RAI1: variants seen among roughly 807,000 people sequenced by gnomAD.
RAI1 encodes retinoic acid induced 1.
In RAI1, 9 loss-of-function variants were observed where a neutral mutation model predicts 123.8. The ratio of observed to expected loss-of-function variants is 0.07; its 90% confidence interval spans 0.04 to 0.13. The LOEUF is 0.13. RAI1 is among the 10% of genes least tolerant of loss of function. The pLI, the probability that RAI1 is intolerant of heterozygous loss-of-function variation, is 1.00. For missense variants in RAI1, 2,256 were observed against 2,545.8 expected (o/e 0.89, Z 2.45); for synonymous variants, 1,231 against 1,127.3 (o/e 1.09, Z -1.84).
chr17:17,703,159 C>G (rs542028711), intron 1 of RAI1, among the ~76,000 whole-genome samples: 1 of 152,306 alleles, frequency 6.6e-6, no homozygotes, highest in South Asian at 2.1e-4. Context: ...AGGAGTTGGA[C>G]AGCGGCTGTA....
chr17:17,685,921 C>T lies in RAI1; in HGVS notation c.-149+4128C>T, dbSNP rs1200121772. On this transcript the variant is annotated intron_variant, in intron 1 of 5. Coordinates refer to ENST00000353383, the MANE Select transcript of RAI1 (RefSeq NM_030665.4). This position sits in a 1 kb window ranked among gnomAD's most constrained non-coding sequence, Gnocchi z 4.0. ...TGTTCCTTCCACCTGGGATGCCCCT[C>T]ACCTTCCTCCCTGCCGCCCCAGACC... is the stretch of plus-strand genomic sequence containing the variant. Among the ~76,000 whole-genome samples the T allele has an allele frequency of 6.6e-6, 1 of 152,244 alleles. No individual in the cohort carries two copies. The highest frequency in any genetic ancestry group is 1.9e-4 in the East Asian group (1 of 5,188).
chr17:17,780,013 G>C (rs1252500487), intron 2 of RAI1, among the ~76,000 whole-genome samples: 1 of 149,954 alleles, frequency 6.7e-6, no homozygotes, highest in East Asian at 2.0e-4. Context: ...CTGACCTCAT[G>C]ATCCGCCTGC....
At chr17:17,803,978 G>C (rs1417166078) in intron 4 of RAI1, 129 bp downstream of exon 4, 1 of 917,204 alleles carries the variant, frequency 1.1e-6, no homozygotes, top group African/African-American at 1.6e-5. Flanking sequence ...TCTTGCCCCA[G>C]CAATTCTTTT....
chr17:17,728,893 A>G (rs1159026375), intron 2 of RAI1, among the ~76,000 whole-genome samples: 2 of 152,028 alleles, frequency 1.3e-5, no homozygotes, highest in Non-Finnish European at 2.9e-5. Flanking sequence ...ATGAGCCCCT[A>G]CCTCTGCAGG....
intron 1 of RAI1, among the ~76,000 whole-genome samples, chr17:17,702,854 C>T (rs185287369): frequency 1.3e-5 from 2 of 152,310 alleles, no homozygotes; most frequent in East Asian, 1.9e-4. Flanking sequence ...TCACTCATCT[C>T]CGAGGTGGCA....
At chr17:17,780,149 T>G (rs1191387322) in intron 2 of RAI1, among the ~76,000 whole-genome samples, 6 of 148,552 alleles carry the variant, frequency 4.0e-5, no homozygotes, top group African/African-American at 1.5e-4. Flanking sequence ...CACTGCAACC[T>G]CCGCCTCCCA....
intron 2 of RAI1, among the ~76,000 whole-genome samples, chr17:17,761,966 T>C (rs945752403): frequency 1.3e-5 from 2 of 152,076 alleles, no homozygotes; most frequent in Admixed American, 6.5e-5. Context: ...AAGGGACTTT[T>C]GGTTGAACCA....
At chr17:17,790,325 G>T (rs147121279) in intron 2 of RAI1, among the ~76,000 whole-genome samples, 1 of 152,326 alleles carries the variant, frequency 6.6e-6, no homozygotes, top group African/African-American at 2.4e-5. Context: ...CCAGGGTGGT[G>T]TTGGGGCGAG....
chr17:17,754,463 C>T (rs556148881), intron 2 of RAI1, among the ~76,000 whole-genome samples: 6 of 152,140 alleles, frequency 3.9e-5, no homozygotes, highest in African/African-American at 9.6e-5. Context: ...CTCTATCTCC[C>T]GACTTCGGGT....
At chr17:17,694,801 G>A (rs868207077) in intron 1 of RAI1, among the ~76,000 whole-genome samples, 1 of 150,592 alleles carries the variant, frequency 6.6e-6, no homozygotes, top group Non-Finnish European at 1.5e-5. Context: ...GGCAGCGCCC[G>A]GCCCGGCATG....
chr17:17,778,534 G>A (rs2031436176), intron 2 of RAI1: 1 of 355,630 alleles, frequency 2.8e-6, no homozygotes, highest in African/African-American at 2.1e-5. Context: ...TGCAGGAGCT[G>A]GGATATGAAT....
At position 17,810,149 on chromosome 17, in the gene RAI1, A is replaced by G; in HGVS notation, c.*168A>G. The G allele has an allele frequency of 1.0e-6, 1 of 983,278 alleles. No individual in the cohort carries two copies. The allele number at this position is 983,278 out of a possible 1,614,324, so 60.9% of individuals were successfully genotyped here. ...TCGTGGATCCGGCCGCCTAGGGCTC[A>G]GACTTGCGGCCCCGGGTTGGGAGGA... On this transcript the variant is annotated 3_prime_UTR_variant, in exon 6 of 6. Coordinates refer to ENST00000353383, the MANE Select transcript of RAI1 (RefSeq NM_030665.4). The surrounding 1 kb of genome is among the most constrained non-coding windows in gnomAD (Gnocchi z 4.6).
intron 2 of RAI1, among the ~76,000 whole-genome samples, chr17:17,757,667 A>G (rs557329765): frequency 1.3e-5 from 2 of 152,258 alleles, no homozygotes; most frequent in East Asian, 3.9e-4. Flanking sequence ...AAGGGAAGTT[A>G]GGACTCGCAT....
intron 2 of RAI1, among the ~76,000 whole-genome samples, chr17:17,760,763 G>A (rs2030659419): frequency 6.6e-6 from 1 of 152,210 alleles, no homozygotes; most frequent in Admixed American, 6.5e-5. Flanking sequence ...GGGCCACACT[G>A]CAGAAAACCC....
At chr17:17,689,572 G>T (rs1305603516) in intron 1 of RAI1, among the ~76,000 whole-genome samples, 2 of 152,106 alleles carry the variant, frequency 1.3e-5, no homozygotes, top group South Asian at 4.1e-4. Flanking sequence ...AGAACACCAG[G>T]GTACTGAGAA....
chr17:17,744,897 G>A (rs950570866), intron 2 of RAI1, among the ~76,000 whole-genome samples: 1 of 151,774 alleles, frequency 6.6e-6, no homozygotes, highest in African/African-American at 2.4e-5. Flanking sequence ...TGTAATCTGA[G>A]TCTTTGACTC....
In RAI1 at chr17:17,711,083, G is replaced by A. The variant is rs574806117; in HGVS notation, c.-148-12945G>A. Among the ~76,000 whole-genome samples, 334 of 152,378 alleles carry A rather than the reference G, an allele frequency of 2.2e-3. 1 individual carries two copies. Among genetic ancestry groups the A allele is most frequent in the Middle Eastern group, 3.4e-3 (1 of 294 alleles). Reference sequence around the variant, plus strand: ...GCAGCAAAATCCTGATGGATGGGAAGGCAGGGCCGCAGTACCCGGAAAACC... The same window carrying A: ...GCAGCAAAATCCTGATGGATGGGAAAGCAGGGCCGCAGTACCCGGAAAACC... On this transcript the variant is annotated intron_variant, in intron 1 of 5. Coordinates refer to ENST00000353383, the MANE Select transcript of RAI1 (RefSeq NM_030665.4).
Position 17,810,018 on chromosome 17 carries a change from C to T in RAI1, c.*37C>T, listed in dbSNP as rs2032697583. On this transcript the variant is annotated 3_prime_UTR_variant, in exon 6 of 6. Coordinates refer to ENST00000353383, the MANE Select transcript of RAI1 (RefSeq NM_030665.4). This position sits in a 1 kb window ranked among gnomAD's most constrained non-coding sequence, Gnocchi z 4.6. Reference sequence around the variant, plus strand: ...AACGGCCGGAGGAGCCGCCGGAGCCCGCCTGCCCGCCCGCCGCCGAAGGAG... The same window carrying T: ...AACGGCCGGAGGAGCCGCCGGAGCCTGCCTGCCCGCCCGCCGCCGAAGGAG... The T allele has an allele frequency of 6.5e-7, 1 of 1,543,642 alleles. No individual in the cohort carries two copies. The highest frequency in any genetic ancestry group is 1.4e-5 in the African/African-American group (1 of 72,696).
At chr17:17,746,029 C>T (rs895316834) in intron 2 of RAI1, among the ~76,000 whole-genome samples, 1 of 151,970 alleles carries the variant, frequency 6.6e-6, no homozygotes, top group South Asian at 2.1e-4. Flanking sequence ...GGAGGCATCC[C>T]TCTGGGCTCA....
Sources: allele counts gnomAD v4.1 joint callset (sites outside exome capture counted in the v4.1 genomes callset), GRCh38; gene constraint gnomAD v4.1.1; non-coding constraint Gnocchi (gnomAD v3.1); transcripts MANE v1.5; gene names NCBI Gene and HGNC (gene_info 2026-07-23, HGNC 2026-07-21).